The following SULT1B1 variants were observed in gnomAD, a reference collection of about 807,000 sequenced individuals.
SULT1B1 encodes the protein sulfotransferase 1B1.
In SULT1B1, 28 loss-of-function variants were observed where a neutral mutation model predicts 34.6. The ratio of observed to expected loss-of-function variants is 0.81; its 90% CI spans 0.60 to 1.11. The LOEUF (loss-of-function observed/expected upper bound fraction) is 1.11, where lower values mean the gene tolerates loss of function less well. SULT1B1 is among the 50% of genes least tolerant of loss of function. SULT1B1 has a pLI of 0.00. For synonymous variants in SULT1B1, 147 were observed against 110.2 expected (o/e 1.33, Z -2.09); for missense variants, 374 against 352.2 (o/e 1.06, Z -0.50).
Position 69,726,533 on chromosome 4 carries a change from A to G in SULT1B1, c.*555T>C, listed in dbSNP as rs766394516. On this transcript the variant is annotated 3_prime_UTR_variant, in exon 8 of 8. Coordinates refer to ENST00000310613, the MANE Select transcript of SULT1B1 (RefSeq NM_014465.4). Reference sequence around the variant, plus strand: ...TATGATATAGAAAAAAGATTTCCAAAATCTGAACTACATGATCGGGGACAT... The same window carrying G: ...TATGATATAGAAAAAAGATTTCCAAGATCTGAACTACATGATCGGGGACAT... The G allele has an allele frequency of 6.6e-6, 1 of 151,884 alleles. No homozygotes were observed. The highest frequency in any genetic ancestry group is 1.5e-5 in the Non-Finnish European group (1 of 67,938). 9.4% of individuals were successfully genotyped at this position (151,884 alleles called of 1,614,324 possible).
chr4:69,749,597 GGTATA>G (rs1718892593), intron 4 of SULT1B1, 119 bp downstream of exon 4: 3 of 562,188 alleles, frequency 5.3e-6, no homozygotes, highest in Non-Finnish European at 9.5e-6. Context: ...AACGTGAGTG[GGTATA>G]GTATAGATTG....
intron 5 of SULT1B1, 26 bp from the exon 6 acceptor site, chr4:69,733,533 C>T: frequency 6.8e-7 from 1 of 1,465,298 alleles, no homozygotes; most frequent in South Asian, 1.3e-5. Flanking sequence ...AGTCTATTTT[C>T]ATAAACATTC....
intron 4 of SULT1B1, among the ~76,000 whole-genome samples, chr4:69,743,554 C>A (rs549939115): frequency 6.6e-6 from 1 of 152,290 alleles, no homozygotes; most frequent in East Asian, 1.9e-4. Context: ...GGACCCACCC[C>A]CTTCTGCCCA....
intron 4 of SULT1B1, among the ~76,000 whole-genome samples, chr4:69,744,175 T>C (rs1185757773): frequency 6.6e-6 from 1 of 151,834 alleles, no homozygotes; most frequent in African/African-American, 2.4e-5. Flanking sequence ...CATTGGCGGG[T>C]GACTGGGTGC....
chr4:69,730,945 G>A (rs3736405), intron 6 of SULT1B1, among the ~76,000 whole-genome samples: 44,796 of 152,064 alleles, frequency 0.29, 7,692 homozygotes, highest in South Asian at 0.45. Context: ...ATGAGTAAAC[G>A]AGCAGACATG....
intron 4 of SULT1B1, among the ~76,000 whole-genome samples, chr4:69,744,359 G>A (rs908221154): frequency 6.6e-6 from 1 of 152,214 alleles, no homozygotes; most frequent in African/African-American, 2.4e-5. Flanking sequence ...GGACCTGGAA[G>A]TGGGTCCTGC....
intron 4 of SULT1B1, among the ~76,000 whole-genome samples, chr4:69,741,721 A>T (rs2110023838): frequency 6.6e-6 from 1 of 152,336 alleles, no homozygotes; most frequent in Admixed American, 6.5e-5. Context: ...TGATTTTTAT[A>T]CACTGATTTG....
At chr4:69,740,648 C>T (rs1216076619) in intron 4 of SULT1B1, among the ~76,000 whole-genome samples, 1 of 152,160 alleles carries the variant, frequency 6.6e-6, no homozygotes, top group Non-Finnish European at 1.5e-5. Context: ...CATGTGTCTT[C>T]TTGGTAGAAC....
In SULT1B1 at chr4:69,723,998, C is replaced by G. The variant is rs533974577; in HGVS notation, c.*3090G>C. 1 of 152,292 alleles carries G rather than the reference C, an allele frequency of 6.6e-6. No homozygotes were observed. Among genetic ancestry groups the G allele is most frequent in the African/African-American group, 2.4e-5 (1 of 41,546 alleles). 9.4% of individuals were successfully genotyped at this position (152,292 alleles called of 1,614,324 possible). ...GATGCCGTCTCTCACCACTCCTATT[C>G]AACATAGTGTTGGAAGTTCTGGCCA... On this transcript the variant is annotated 3_prime_UTR_variant, in exon 8 of 8. Transcript: ENST00000310613.
At chr4:69,734,487 G>GA (rs889457014) in intron 4 of SULT1B1, among the ~76,000 whole-genome samples, 4 of 151,922 alleles carry the variant, frequency 2.6e-5, no homozygotes, top group Admixed American at 6.5e-5. Flanking sequence ...TAGACGTTTT[G>GA]AAAAAAAGAT....
chr4:69,729,376 G>A (rs1160090016), intron 7 of SULT1B1, among the ~76,000 whole-genome samples: 1 of 151,966 alleles, frequency 6.6e-6, no homozygotes, highest in East Asian at 1.9e-4. Context: ...CAGAGGCAGA[G>A]TTCCTGGAAC....
chr4:69,746,021 A>G (rs560981032), intron 4 of SULT1B1, among the ~76,000 whole-genome samples: 26 of 152,344 alleles, frequency 1.7e-4, no homozygotes, highest in Non-Finnish European at 2.9e-5. Flanking sequence ...TTAGGAATAC[A>G]GAATATGGGC....
chr4:69,742,728 T>G (rs72648440), intron 4 of SULT1B1, among the ~76,000 whole-genome samples: 17,572 of 152,258 alleles, frequency 0.12, 1,130 homozygotes, highest in Middle Eastern at 0.19. Context: ...ACTTGGCTCA[T>G]GCTACCAGCC....
chr4:69,755,235 C>T lies in SULT1B1; in HGVS notation c.-18G>A, dbSNP rs769677620. On this transcript the variant is annotated 5_prime_UTR_variant, in exon 2 of 8. Transcript: ENST00000310613. ...GAAAGCATTTTAATACCAGATTGTA[C>T]AAATATATAATAGATTGACAGTTGT... 6.2e-7 allele frequency: 1 copy of T among 1,609,924 alleles called. No homozygotes were observed. The highest frequency in any genetic ancestry group is 2.2e-5 in the East Asian group (1 of 44,782).
At chr4:69,744,446 G>A (rs773748768) in intron 4 of SULT1B1, among the ~76,000 whole-genome samples, 3 of 152,168 alleles carry the variant, frequency 2.0e-5, no homozygotes, top group Non-Finnish European at 2.9e-5. Context: ...TGCCGCCTTT[G>A]CTGTTCCTGC....
intron 7 of SULT1B1, among the ~76,000 whole-genome samples, chr4:69,728,807 A>T (rs183763229): frequency 6.6e-6 from 1 of 152,034 alleles, no homozygotes; most frequent in Non-Finnish European, 1.5e-5. Flanking sequence ...AGGTGTTATT[A>T]TATTATCTAT....
At position 69,721,276 on chromosome 4, in the gene SULT1B1, A is replaced by G. The variant is rs1443987708; in HGVS notation, c.*5812T>C. The G allele has an allele frequency of 6.6e-6, 1 of 152,172 alleles. No homozygotes were observed. Among genetic ancestry groups the G allele is most frequent in the African/African-American group, 2.4e-5 (1 of 41,456 alleles). The allele number at this position is 152,172 out of a possible 1,614,324, so 9.4% of individuals were successfully genotyped here. On this transcript the variant is annotated 3_prime_UTR_variant, in exon 8 of 8. Transcript: ENST00000310613. ...TGGAAATTTTACATATATATATAAA[A>G]CAGTTCTAATGATCATACATAAGAA...
Position 69,727,162 on chromosome 4 carries a change from G to T in SULT1B1, c.817C>A (p.Gln273Lys), listed in dbSNP as rs777640118. The change falls in exon 8 of 8, where the codon CAA becomes AAA. Residue 273 changes from glutamine to lysine, a missense_variant. Coordinates refer to ENST00000310613, the MANE Select transcript of SULT1B1 (RefSeq NM_014465.4). ...GDWKNYFTVA[Q>K]NEKFDAIYET... ...TAAATAGCATCAAATTTCTCATTTT[G>T]GGCCACGGTGAAGTAATTCTTCCAG... 2.5e-6 allele frequency: 4 copies of T among 1,611,016 alleles called. No homozygotes were observed. The highest frequency in any genetic ancestry group is 1.7e-4 in the Middle Eastern group (1 of 6,034).
rs539868314 is a variant in SULT1B1, at chr4:69,724,325, G to C, written c.*2763C>G. On this transcript the variant is annotated 3_prime_UTR_variant, in exon 8 of 8. Coordinates refer to ENST00000310613, the MANE Select transcript of SULT1B1 (RefSeq NM_014465.4). ...AATCCAACTTACAAGGGATGTGAAG[G>C]ATCACTTCAAGGAGAACTACAAACC... is the stretch of plus-strand genomic sequence containing the variant. 1 of 152,142 alleles carries C rather than the reference G, an allele frequency of 6.6e-6. No homozygotes were observed. The highest frequency in any genetic ancestry group is 2.1e-4 in the South Asian group (1 of 4,818). The allele number at this position is 152,142 out of a possible 1,614,324, so 9.4% of individuals were successfully genotyped here.
Sources: gnomAD v4.1 joint callset for allele counts (sites outside exome capture counted in the v4.1 genomes callset) on GRCh38, gnomAD v4.1.1 for gene constraint, MANE v1.5 for transcripts, NCBI Gene and HGNC (gene_info 2026-07-23, HGNC 2026-07-21) for gene names.